The following CDC42EP4 variants were observed in gnomAD, a reference collection of about 807,000 sequenced individuals.
The protein encoded by CDC42EP4 is CDC42 effector protein (Rho GTPase binding) 4.
CDC42EP4 carries 6 observed loss-of-function variants against 5.6 expected under a neutral mutation model. The ratio of observed to expected loss-of-function variants is 1.07; its 90% CI spans 0.59 to 2.12. The LOEUF is 2.12. CDC42EP4 is among the 30% of genes most tolerant of loss of function. The pLI is 0.00. For synonymous variants in CDC42EP4, 230 were observed against 224.2 expected (o/e 1.03, Z -0.23); for missense variants, 490 against 508.6 (o/e 0.96, Z 0.35).
At chr17:73,293,679 C>T (rs886438910) in intron 1 of CDC42EP4, among the ~76,000 whole-genome samples, 2 of 152,154 alleles carry the variant, frequency 1.3e-5, no homozygotes, top group African/African-American at 2.4e-5. Flanking sequence ...GGCCACAACT[C>T]TAAGAGGTGA....
At chr17:73,291,823 C>G (rs2062162866) in intron 1 of CDC42EP4, among the ~76,000 whole-genome samples, 1 of 152,184 alleles carries the variant, frequency 6.6e-6, no homozygotes, top group African/African-American at 2.4e-5. Context: ...AGCCCACTGA[C>G]CACGGAACCT....
chr17:73,283,816 G>C lies in CDC42EP4; in HGVS notation c.*1614C>G, dbSNP rs2062115043. The C allele has an allele frequency of 6.6e-6, 1 of 152,328 alleles. No homozygotes were observed. The allele number at this position is 152,328 out of a possible 1,614,324, so 9.4% of individuals were successfully genotyped here. ...GAGCACCAACAGGGCACCGAACCTGGAACTAAGTTAGTGTCTAGAGTCAGG... is the reference window on the plus strand; with the variant it reads ...GAGCACCAACAGGGCACCGAACCTGCAACTAAGTTAGTGTCTAGAGTCAGG... On this transcript the variant is annotated 3_prime_UTR_variant, in exon 2 of 2. Coordinates refer to ENST00000335793, the MANE Select transcript of CDC42EP4 (RefSeq NM_012121.5).
intron 1 of CDC42EP4, among the ~76,000 whole-genome samples, chr17:73,305,289 G>C (rs1376655756): frequency 2.6e-5 from 4 of 152,326 alleles, no homozygotes; most frequent in African/African-American, 9.6e-5. Context: ...GATGCCTGGT[G>C]GGGGGCCCCA....
At position 73,309,736 on chromosome 17, in the gene CDC42EP4, G is replaced by A. The variant is rs1192865571; in HGVS notation, c.-113+2157C>T. ...CTAGGACTTCAGGGAGATTTCAGAG[G>A]GGAGGCGCTGAGACTCACCCCAGAA... On this transcript the variant is annotated intron_variant, in intron 1 of 1. Coordinates refer to ENST00000335793, the MANE Select transcript of CDC42EP4 (RefSeq NM_012121.5). The A allele has an allele frequency of 2.0e-5, 3 of 152,496 alleles. No individual in the cohort carries two copies. In the East Asian group the frequency reaches 5.8e-4, roughly 29 times the overall value. The allele number at this position is 152,496 out of a possible 1,614,324, so 9.4% of individuals were successfully genotyped here. A position where few individuals can be genotyped will look rare whatever the true frequency, so the allele number is the denominator to read the frequency against.
chr17:73,301,584 G>T (rs1488988568), intron 1 of CDC42EP4, among the ~76,000 whole-genome samples: 1 of 152,144 alleles, frequency 6.6e-6, no homozygotes, highest in African/African-American at 2.4e-5. Flanking sequence ...TTGTGAGTCT[G>T]TCCCCCAGGC....
Position 73,286,541 on chromosome 17 carries a change from C to A in CDC42EP4, c.-41G>T. The A allele has an allele frequency of 6.7e-7, 1 of 1,498,952 alleles. No homozygotes were observed. Among genetic ancestry groups the A allele is most frequent in the Non-Finnish European group, 9.0e-7 (1 of 1,111,358 alleles). The allele number at this position is 1,498,952 out of a possible 1,614,324, so 92.9% of individuals were successfully genotyped here. On this transcript the variant is annotated 5_prime_UTR_variant, in exon 2 of 2. Coordinates refer to ENST00000335793, the MANE Select transcript of CDC42EP4 (RefSeq NM_012121.5). The surrounding 1 kb of genome is among the most constrained non-coding windows in gnomAD (Gnocchi z 7.7). ...GGGAGGTGGGCCCTCCCGAGGTAGC[C>A]GGCAGGTCTGGGGTCAGATCTGAAG...
chr17:73,302,307 A>G (rs1401622084), intron 1 of CDC42EP4, among the ~76,000 whole-genome samples: 1 of 152,152 alleles, frequency 6.6e-6, no homozygotes, highest in Non-Finnish European at 1.5e-5. Context: ...TTATCTCGTT[A>G]TATTTGTTAC....
chr17:73,297,764 T>C (rs1483287777), intron 1 of CDC42EP4, among the ~76,000 whole-genome samples: 2 of 151,980 alleles, frequency 1.3e-5, no homozygotes, highest in Non-Finnish European at 2.9e-5. Context: ...GTTCAAGCAA[T>C]TCTCCTGCCT....
At chr17:73,310,492 A>C (rs2062267758) in intron 1 of CDC42EP4, among the ~76,000 whole-genome samples, 1 of 151,842 alleles carries the variant, frequency 6.6e-6, no homozygotes, top group South Asian at 2.1e-4. Flanking sequence ...CTCCACCCGG[A>C]TCCAGCTGCT....
intron 1 of CDC42EP4, among the ~76,000 whole-genome samples, chr17:73,291,702 C>T (rs2062162135): frequency 1.3e-5 from 2 of 152,150 alleles, no homozygotes; most frequent in South Asian, 4.1e-4. Context: ...ACCCCCACCC[C>T]ACCCCAGAAA....
At chr17:73,289,205 A>C (rs1461291319) in intron 1 of CDC42EP4, among the ~76,000 whole-genome samples, 4 of 152,154 alleles carry the variant, frequency 2.6e-5, no homozygotes, top group Non-Finnish European at 4.4e-5. Context: ...CTTAGTATAA[A>C]ACTAGCCGTT....
At chr17:73,305,823 CAA>C (rs1477583072) in intron 1 of CDC42EP4, among the ~76,000 whole-genome samples, 8 of 152,182 alleles carry the variant, frequency 5.3e-5, no homozygotes, top group Non-Finnish European at 1.2e-4. Flanking sequence ...GCACCTAATT[CAA>C]AAGTCTGTAC....
rs541810685 is a variant in CDC42EP4 at position 73,304,132 on chromosome 17, T to A, written c.-113+7761A>T. Among the ~76,000 whole-genome samples the A allele has an allele frequency of 2.6e-5, 4 of 152,246 alleles. No homozygotes were observed. The East Asian group carries it at 7.7e-4, about 29-fold the overall frequency. On this transcript the variant is annotated intron_variant, in intron 1 of 1. Coordinates refer to ENST00000335793, the MANE Select transcript of CDC42EP4 (RefSeq NM_012121.5). ...CTACCTAACCTCAGGGGTAGACCCCTCCCCAGACTCTGCAGTAACTATTCC... is the reference window on the plus strand; with the variant it reads ...CTACCTAACCTCAGGGGTAGACCCCACCCCAGACTCTGCAGTAACTATTCC...
At chr17:73,305,214 T>C (rs2062238815) in intron 1 of CDC42EP4, among the ~76,000 whole-genome samples, 1 of 152,166 alleles carries the variant, frequency 6.6e-6, no homozygotes, top group Non-Finnish European at 1.5e-5. Flanking sequence ...TGGAAATGTG[T>C]GCTTCCCGGA....
At chr17:73,305,161 C>T (rs1045702984) in intron 1 of CDC42EP4, among the ~76,000 whole-genome samples, 4 of 152,208 alleles carry the variant, frequency 2.6e-5, no homozygotes, top group African/African-American at 9.6e-5. Context: ...GAGCCAGTGA[C>T]TCAAGGACAT....
chr17:73,307,355 A>G (rs2062248757), intron 1 of CDC42EP4: 1 of 152,168 alleles, frequency 6.6e-6, no homozygotes, highest in Admixed American at 6.6e-5. Flanking sequence ...AAGGAAGCCC[A>G]AGTCTCCTCA....
chr17:73,298,425 C>T (rs541206756), intron 1 of CDC42EP4, among the ~76,000 whole-genome samples: 1 of 152,340 alleles, frequency 6.6e-6, no homozygotes, highest in Admixed American at 6.5e-5. Flanking sequence ...CCCACCCTAC[C>T]GGAGATCGGC....
At chr17:73,289,756 A>AGGGAGGGAGGGAGGAAGGGGGGGAGGAG (rs1568340944) in intron 1 of CDC42EP4, among the ~76,000 whole-genome samples, 1 of 125,640 alleles carries the variant, frequency 8.0e-6, no homozygotes, top group African/African-American at 2.9e-5. Flanking sequence ...GGAGGGAGGA[A>AGGGAGGGAGGGAGGAAGGGGGGGAGGAG]GGGAGGGGAA....
chr17:73,285,130 G>C lies in CDC42EP4; in HGVS notation c.*300C>G, dbSNP rs1568338998. 8.5e-6 allele frequency: 2 copies of C among 234,660 alleles called. No homozygotes were observed. The highest frequency in any genetic ancestry group is 1.7e-5 in the Non-Finnish European group (2 of 120,830). The allele number at this position is 234,660 out of a possible 1,614,324, so 14.5% of individuals were successfully genotyped here. On this transcript the variant is annotated 3_prime_UTR_variant, in exon 2 of 2. Coordinates refer to ENST00000335793, the MANE Select transcript of CDC42EP4 (RefSeq NM_012121.5). The surrounding 1 kb of genome is among the most constrained non-coding windows in gnomAD (Gnocchi z 6.8). ...CTGGCATCCATTTGAGGCCAGGGTG[G>C]AGGAAAGGGAGGCCAACAGAGGAAA...
Sources: gnomAD v4.1 joint callset for allele counts (sites outside exome capture counted in the v4.1 genomes callset) on GRCh38, gnomAD v4.1.1 for gene constraint, Gnocchi (gnomAD v3.1) non-coding constraint, MANE v1.5 for transcripts, NCBI Gene and HGNC (gene_info 2026-07-23, HGNC 2026-07-21) for gene names.